The following TGM3 variants were observed in gnomAD, a reference collection of about 807,000 sequenced individuals.
TGM3 encodes protein-glutamine gamma-glutamyltransferase E.
Under a neutral mutation model 73.8 loss-of-function variants are expected in TGM3, and 52 were observed. The ratio of observed to expected loss-of-function variants is 0.70; its 90% CI spans 0.56 to 0.89. TGM3 has a LOEUF of 0.89. Ranked by LOEUF, TGM3 falls within the 40% of genes least tolerant of loss-of-function variation. The pLI is 0.00. For synonymous variants in TGM3, 372 were observed against 354.9 expected, an observed-to-expected ratio of 1.05 and a Z score of -0.54; for missense variants, 928 against 909.9, an observed-to-expected ratio of 1.02 and a Z score of -0.26.
At position 2,322,380 on chromosome 20, in the gene TGM3, C is replaced by T. The variant is rs539567263; in HGVS notation, c.984-3469C>T. Among the ~76,000 whole-genome samples the T allele has an allele frequency of 1.3e-4, 20 of 152,166 alleles. No homozygotes were observed. In the East Asian group the frequency reaches 3.1e-3, roughly 24 times the overall value. On this transcript the variant is annotated intron_variant, in intron 7 of 12. Coordinates refer to ENST00000381458, the MANE Select transcript of TGM3 (RefSeq NM_003245.4). Reference sequence around the variant, plus strand: ...ATAATAGACACATCCCACTTTTTCCCACACCTCGAAACCAATCACTTCACC... The same window carrying T: ...ATAATAGACACATCCCACTTTTTCCTACACCTCGAAACCAATCACTTCACC...
intron 7 of TGM3, among the ~76,000 whole-genome samples, chr20:2,321,375 G>A (rs1330025211): frequency 6.6e-6 from 1 of 152,174 alleles, no homozygotes; most frequent in East Asian, 1.9e-4. Flanking sequence ...ACAGCACAGA[G>A]GTATTATTGG....
At chr20:2,318,839 G>A (rs1045219748) in intron 7 of TGM3, among the ~76,000 whole-genome samples, 3 of 152,068 alleles carry the variant, frequency 2.0e-5, no homozygotes, top group Non-Finnish European at 2.9e-5. Context: ...AAAATGAAAC[G>A]AAAATAGATA....
intron 5 of TGM3, among the ~76,000 whole-genome samples, chr20:2,313,658 C>T (rs531194007): frequency 1.3e-4 from 20 of 151,826 alleles, no homozygotes; most frequent in African/African-American, 4.6e-4. Flanking sequence ...CACACTCTCT[C>T]TCTCTCTCAG....
rs761107924 is a variant in TGM3, at chr20:2,310,359, C to T, written c.363C>T (p.Gly121=). The change falls in exon 3 of 13, where the codon GGC becomes GGT. Residue 121 remains glycine (G), a synonymous_variant. Transcript: ENST00000381458. ...TGGCCCTCCAGATCTTCTCCCAGGG[C>T]GGCATCTCCTCTGTGAAACTTGGGA... ...YTMALQIFSQ[G]GISSVKLGTF... 2.2e-5 allele frequency: 35 copies of T among 1,614,206 alleles called. No individual in the cohort carries two copies. Among genetic ancestry groups the T allele is most frequent in the East Asian group, 4.5e-5 (2 of 44,888 alleles).
At chr20:2,298,401 T>C (rs1020409271) in intron 1 of TGM3, among the ~76,000 whole-genome samples, 3 of 152,168 alleles carry the variant, frequency 2.0e-5, no homozygotes, top group African/African-American at 7.2e-5. Context: ...CCAAAGCCAC[T>C]TGGAAGCCCT....
intron 8 of TGM3, 170 bp downstream of exon 8, chr20:2,326,122 C>A (rs2084286640): frequency 5.8e-6 from 4 of 694,408 alleles, no homozygotes; most frequent in Non-Finnish European, 9.8e-6. Context: ...TTGGCTCGGG[C>A]TGCTGTTTAA....
chr20:2,312,940 A>T lies in TGM3; in HGVS notation c.583A>T (p.Arg195Trp). The change falls in exon 5 of 13, where the codon AGG (arginine) becomes TGG (tryptophan). Residue 195 changes from arginine (R) to tryptophan (W), a missense_variant. Physicochemically the swap from Arg to Trp is moderately radical, Grantham distance 101. Coordinates refer to ENST00000381458, the MANE Select transcript of TGM3 (RefSeq NM_003245.4). Reference protein sequence around the residue: ...ILSICLSILDRSLNFRRDAAT... With the variant: ...ILSICLSILDWSLNFRRDAAT... ...CAGCATCTGCCTCTCAATCTTGGAT[A>T]GGAGTCTGAATTTCCGCCGTGACGC... 1 of 1,614,230 alleles carries T rather than the reference A, an allele frequency of 6.2e-7. No homozygotes were observed. The highest frequency in any genetic ancestry group is 8.5e-7 in the Non-Finnish European group (1 of 1,180,036).
At position 2,328,412 on chromosome 20, in the gene TGM3, G is replaced by A. The variant is rs1568631241; in HGVS notation, c.1333+47G>A. 6.2e-7 allele frequency: 1 copy of A among 1,607,358 alleles called. No individual in the cohort carries two copies. The highest frequency in any genetic ancestry group is 8.5e-7 in the Non-Finnish European group (1 of 1,175,788). On this transcript the variant is annotated intron_variant, in intron 9 of 12. Transcript: ENST00000381458. The surrounding 1 kb of genome is among the most constrained non-coding windows in gnomAD (Gnocchi z 5.2). ...CAGTGCCGCGAGAGGTTCTATTGTG[G>A]GAGGATGGCTCTGAGGCTGGAGAGG...
chr20:2,320,944 G>A (rs759582419), intron 7 of TGM3, among the ~76,000 whole-genome samples: 1 of 152,128 alleles, frequency 6.6e-6, no homozygotes, highest in African/African-American at 2.4e-5. Context: ...GAGGTAGAAG[G>A]TGCCTAGAGA....
intron 11 of TGM3, 102 bp downstream of exon 11, chr20:2,335,375 AAGG>A: frequency 1.2e-5 from 17 of 1,454,672 alleles, no homozygotes; most frequent in Non-Finnish European, 1.6e-5. Flanking sequence ...CCAGAGGGCA[AAGG>A]AGAGTTTTTT....
chr20:2,313,113 T>A, intron 5 of TGM3, 87 bp downstream of exon 5: 1 of 1,556,602 alleles, frequency 6.4e-7, no homozygotes, highest in Non-Finnish European at 8.8e-7. Context: ...TTTACATATG[T>A]CATCTCATTA....
chr20:2,339,345 C>T (rs2422693), intron 11 of TGM3, among the ~76,000 whole-genome samples: 39,325 of 152,100 alleles, frequency 0.26, 5,290 homozygotes, highest in East Asian at 0.41. Flanking sequence ...TAATATTAAA[C>T]CCAGCAAGTG....
In TGM3 at chr20:2,309,198, G is replaced by A. The variant is rs2084189952; in HGVS notation, c.8-459G>A. On this transcript the variant is annotated intron_variant, in intron 1 of 12. Coordinates refer to ENST00000381458, the MANE Select transcript of TGM3 (RefSeq NM_003245.4). ...CCGGCGCCTCCCTTCGTTTCTGTTG[G>A]AGCCCCCATCCACAAAGCAATGAGA... 2.0e-5 allele frequency among the ~76,000 whole-genome samples: 3 copies of A among 152,142 alleles called. No individual in the cohort carries two copies. In the South Asian group the frequency reaches 6.2e-4, roughly 32 times the overall value.
chr20:2,305,498 C>A (rs957971703), intron 1 of TGM3, among the ~76,000 whole-genome samples: 1 of 152,254 alleles, frequency 6.6e-6, no homozygotes, highest in Non-Finnish European at 1.5e-5. Context: ...CCTGGTCTCT[C>A]TGAGCCTTTG....
At chr20:2,303,425 T>C (rs1381808780) in intron 1 of TGM3, among the ~76,000 whole-genome samples, 1 of 150,662 alleles carries the variant, frequency 6.6e-6, no homozygotes, top group African/African-American at 2.4e-5. Flanking sequence ...GCTAATGGAG[T>C]TGGGGGATTC....
chr20:2,325,798 A>G, intron 7 of TGM3, 51 bp from the exon 8 acceptor site: 1 of 1,311,326 alleles, frequency 7.6e-7, no homozygotes, highest in Non-Finnish European at 1.1e-6. Flanking sequence ...CTTGCCACTC[A>G]TCTGCTGTGT....
At chr20:2,324,197 T>A (rs571922552) in intron 7 of TGM3, among the ~76,000 whole-genome samples, 1 of 152,358 alleles carries the variant, frequency 6.6e-6, no homozygotes, top group African/African-American at 2.4e-5. Flanking sequence ...CTTTTTCCAG[T>A]TAAAATTTTT....
Position 2,325,947 on chromosome 20 carries a change from G to T in TGM3, c.1082G>T (p.Ser361Ile). 6.3e-7 allele frequency: 1 copy of T among 1,590,950 alleles called. No individual in the cohort carries two copies. Among genetic ancestry groups the T allele is most frequent in the Non-Finnish European group, 8.6e-7 (1 of 1,167,312 alleles). The change falls in exon 8 of 13, where the codon AGC (serine) becomes ATC (isoleucine). Residue 361 changes from serine to isoleucine, a missense_variant. By Grantham distance (142) the Ser-to-Ile change is moderately radical. Transcript: ENST00000381458. ...QVLDATPQER[S>I]QGVFQCGPAS... The stretch of plus-strand genomic sequence containing the variant: ...TTGGATGCTACCCCGCAGGAAAGAA[G>T]CCAAGGTAACTTCTCTGGGTGTGGT...
chr20:2,307,672 A>G (rs1453765071), intron 1 of TGM3, among the ~76,000 whole-genome samples: 3 of 152,142 alleles, frequency 2.0e-5, no homozygotes, highest in Non-Finnish European at 2.9e-5. Context: ...TTGGAGAGTT[A>G]TAACTACACT....
Sources: allele counts gnomAD v4.1 joint callset (sites outside exome capture counted in the v4.1 genomes callset), GRCh38; gene constraint gnomAD v4.1.1; non-coding constraint Gnocchi (gnomAD v3.1); transcripts MANE v1.5; gene names NCBI Gene and HGNC (gene_info 2026-07-23, HGNC 2026-07-21).